Variants in OXR1 observed in about 807,000 individuals in gnomAD.
OXR1 encodes oxidation resistance 1.
In OXR1, 41 loss-of-function variants were observed where a neutral mutation model predicts 104.6. That is an observed-to-expected ratio of 0.39 (90% CI 0.31 to 0.51). The LOEUF (loss-of-function observed/expected upper bound fraction) is 0.51, where lower values mean the gene tolerates loss of function less well. OXR1 is among the 20% of genes least tolerant of loss of function. The probability of loss-of-function intolerance (pLI) is 0.77; values close to 1 mark genes in which losing one functional copy is unlikely to be tolerated. For synonymous variants in OXR1, 348 were observed against 348.4 expected (o/e 1.00, Z 0.01); for missense variants, 955 against 1,031.9 (o/e 0.93, Z 1.02).
chr8:106,294,591 T>G (rs1812910637), intron 1 of OXR1, among the ~76,000 whole-genome samples: 1 of 151,726 alleles, frequency 6.6e-6, no homozygotes, highest in African/African-American at 2.4e-5. Flanking sequence ...ACATGGCAGA[T>G]GCAGGAGAGA....
At chr8:106,639,096 A>C (rs1823414449) in intron 3 of OXR1, among the ~76,000 whole-genome samples, 1 of 152,188 alleles carries the variant, frequency 6.6e-6, no homozygotes, top group Admixed American at 6.5e-5. Context: ...GGTCATTTTG[A>C]AGTTACTTTC....
At chr8:106,574,083 T>C (rs1359198105) in intron 3 of OXR1, among the ~76,000 whole-genome samples, 1 of 152,190 alleles carries the variant, frequency 6.6e-6, no homozygotes, top group Non-Finnish European at 1.5e-5. Context: ...CTACTAAATA[T>C]AGTGATTTTA....
intron 1 of OXR1, chr8:106,271,963 G>A (rs1251669512): frequency 6.6e-6 from 1 of 152,214 alleles, no homozygotes; most frequent in Admixed American, 6.5e-5. Flanking sequence ...TGCAGGTGAT[G>A]CTGTGATTGT....
intron 7 of OXR1, among the ~76,000 whole-genome samples, chr8:106,699,053 A>G (rs1164943354): frequency 6.6e-6 from 1 of 152,158 alleles, no homozygotes; most frequent in East Asian, 1.9e-4. Flanking sequence ...ATCACTTGGT[A>G]ATGGCTTGTT....
intron 7 of OXR1, among the ~76,000 whole-genome samples, chr8:106,696,370 A>C (rs559692656): frequency 6.6e-6 from 1 of 152,194 alleles, no homozygotes; most frequent in South Asian, 2.1e-4. Context: ...TATCCATTCC[A>C]CTATTAAATG....
intron 3 of OXR1, among the ~76,000 whole-genome samples, chr8:106,537,340 A>G (rs1814613010): frequency 6.6e-6 from 1 of 152,170 alleles, no homozygotes; most frequent in South Asian, 2.1e-4. Context: ...TGGAGCAAAG[A>G]GAGTGAGGGT....
intron 6 of OXR1, among the ~76,000 whole-genome samples, chr8:106,689,410 C>T (rs1323027097): frequency 6.6e-6 from 1 of 152,056 alleles, no homozygotes; most frequent in African/African-American, 2.4e-5. Context: ...TTAATAATTA[C>T]ATCTGAAAAA....
intron 2 of OXR1, among the ~76,000 whole-genome samples, chr8:106,424,093 C>T (rs1361688400): frequency 1.3e-5 from 2 of 151,984 alleles, no homozygotes; most frequent in East Asian, 3.9e-4. Flanking sequence ...TTTGCCACCA[C>T]ACTCAGCTAA....
chr8:106,695,745 G>A (rs1294295172), intron 7 of OXR1, among the ~76,000 whole-genome samples: 1 of 152,012 alleles, frequency 6.6e-6, no homozygotes, highest in Non-Finnish European at 1.5e-5. Context: ...AAAATTATAT[G>A]TGTGTTTATA....
intron 16 of OXR1, among the ~76,000 whole-genome samples, chr8:106,748,225 C>A (rs1254374773): frequency 2.0e-5 from 3 of 152,166 alleles, no homozygotes; most frequent in African/African-American, 7.2e-5. Flanking sequence ...TAAAGTTGAA[C>A]AAATTAGACA....
At chr8:106,544,888 T>C (rs1420873025) in intron 3 of OXR1, among the ~76,000 whole-genome samples, 2 of 152,206 alleles carry the variant, frequency 1.3e-5, no homozygotes, top group African/African-American at 4.8e-5. Flanking sequence ...TGGATTAGCT[T>C]ATTAGAGTTT....
intron 1 of OXR1, among the ~76,000 whole-genome samples, chr8:106,276,071 G>C (rs1812024441): frequency 6.6e-6 from 1 of 152,094 alleles, no homozygotes; most frequent in Admixed American, 6.5e-5. Flanking sequence ...ATGCCGTTTG[G>C]AATCTGAATC....
intron 2 of OXR1, among the ~76,000 whole-genome samples, chr8:106,502,219 C>G (rs529487952): frequency 6.6e-6 from 1 of 152,310 alleles, no homozygotes; most frequent in East Asian, 1.9e-4. Flanking sequence ...TGGTTTAATG[C>G]TGTGCCTTCA....
intron 3 of OXR1, among the ~76,000 whole-genome samples, chr8:106,659,080 C>G (rs185815578): frequency 6.6e-6 from 1 of 152,292 alleles, no homozygotes; most frequent in East Asian, 1.9e-4. Context: ...TGTGTAAAAT[C>G]TGTTTATAAC....
At chr8:106,506,044 A>T (rs950191950) in intron 2 of OXR1, among the ~76,000 whole-genome samples, 12 of 152,164 alleles carry the variant, frequency 7.9e-5, no homozygotes, top group Non-Finnish European at 1.3e-4. Context: ...TTGGAGGTAT[A>T]ATAGAAAGGG....
intron 2 of OXR1, among the ~76,000 whole-genome samples, chr8:106,363,012 A>G (rs1266822652): frequency 6.6e-6 from 1 of 152,208 alleles, no homozygotes; most frequent in Non-Finnish European, 1.5e-5. Context: ...ATGCCTGCAC[A>G]CACTTTAATT....
chr8:106,590,275 TTTG>T (rs537746922), intron 3 of OXR1, among the ~76,000 whole-genome samples: 159 of 151,782 alleles, frequency 1.0e-3, no homozygotes, highest in African/African-American at 2.9e-3. Flanking sequence ...GTTTTTGGTT[TTTG>T]TTGTTGTTGT....
intron 3 of OXR1, among the ~76,000 whole-genome samples, chr8:106,552,947 G>GCATTTGCAAAA (rs1815963840): frequency 1.3e-5 from 2 of 152,022 alleles, no homozygotes; most frequent in African/African-American, 4.8e-5. Context: ...ATATCATCCT[G>GCATTTGCAAAA]GATAACAAAG....
intron 2 of OXR1, among the ~76,000 whole-genome samples, chr8:106,395,624 A>G (rs1353061520): frequency 6.6e-6 from 1 of 152,138 alleles, no homozygotes; most frequent in African/African-American, 2.4e-5. Flanking sequence ...TTTGGTGGGG[A>G]CACAGCCAAA....
Sources: gnomAD v4.1 joint callset for allele counts (sites outside exome capture counted in the v4.1 genomes callset) on GRCh38, gnomAD v4.1.1 for gene constraint, MANE v1.5 for transcripts, NCBI Gene and HGNC (gene_info 2026-07-23, HGNC 2026-07-21) for gene names.